Variants in NFIC observed in about 807,000 individuals in gnomAD.
NFIC encodes the protein nuclear factor I C, also known as nuclear factor 1 C-type.
Under a neutral mutation model 54.4 loss-of-function variants are expected in NFIC, and 12 were observed. That is an observed-to-expected ratio of 0.22 (90% confidence interval 0.14 to 0.36). The LOEUF is 0.36. Among genes scored for constraint, NFIC ranks in the 10% least tolerant of loss-of-function variants. The probability of loss-of-function intolerance (pLI) is 1.00; values close to 1 mark genes in which losing one functional copy is unlikely to be tolerated. For missense variants in NFIC, 575 were observed against 718.2 expected (o/e 0.80, Z 2.28); for synonymous variants, 322 against 319.2 (o/e 1.01, Z -0.09).
upstream of NFIC, among the ~76,000 whole-genome samples, chr19:3,362,043 C>T (rs1430973718): frequency 6.6e-6 from 1 of 152,204 alleles, no homozygotes; most frequent in African/African-American, 2.4e-5. Flanking sequence ...TAGACAACCA[C>T]ATCTCACCCT....
Position 3,442,688 on chromosome 19 carries a change from G to A in NFIC, c.959-6326G>A, listed in dbSNP as rs1011205103. 4.9e-5 allele frequency among the ~76,000 whole-genome samples: 7 copies of A among 142,842 alleles called. No homozygotes were observed. The East Asian group carries it at 7.1e-4, about 14-fold the overall frequency. 93.7% of individuals were successfully genotyped at this position (142,842 alleles called of 152,430 possible). On this transcript the variant is annotated intron_variant, in intron 6 of 10. Transcript: ENST00000443272. ...AGGTGTGAGCCACCGAGCCCAGCCC[G>A]CCCATCCCTTTTTTTAACCCCAGGG... is the stretch of plus-strand genomic sequence containing the variant.
At chr19:3,400,767 G>A (rs1014076926) in intron 2 of NFIC, among the ~76,000 whole-genome samples, 3 of 152,170 alleles carry the variant, frequency 2.0e-5, no homozygotes, top group African/African-American at 4.8e-5. Flanking sequence ...GCTTGAACCC[G>A]GAAGGCGGAG....
At chr19:3,381,522 G>A (rs1429812986) in intron 1 of NFIC, among the ~76,000 whole-genome samples, 190 bp from the exon 2 acceptor site, 1 of 152,104 alleles carries the variant, frequency 6.6e-6, no homozygotes, top group Non-Finnish European at 1.5e-5. Context: ...CTTCTCCTGG[G>A]TCCCCCGGGC....
At chr19:3,410,126 C>T (rs1440614660) in intron 2 of NFIC, among the ~76,000 whole-genome samples, 3 of 152,204 alleles carry the variant, frequency 2.0e-5, no homozygotes, top group South Asian at 2.1e-4. Flanking sequence ...CTGCAAGCTC[C>T]GCCTCCCGGG....
rs544475043 is a variant in NFIC, at chr19:3,408,670, C to T, written c.563-16436C>T. Among the ~76,000 whole-genome samples, 13 of 152,208 alleles carry T rather than the reference C, an allele frequency of 8.5e-5. No individual in the cohort carries two copies. In the South Asian group the frequency reaches 2.1e-3, roughly 24 times the overall value. On this transcript the variant is annotated intron_variant, in intron 2 of 10. Coordinates refer to ENST00000443272, the MANE Select transcript of NFIC (RefSeq NM_001245002.2). The stretch of plus-strand genomic sequence containing the variant: ...GGAGTCTCACTCTGTCGCGCCAACT[C>T]GGCTCACTACAACCTCCGCCTCCTG...
intron 2 of NFIC, among the ~76,000 whole-genome samples, chr19:3,420,367 C>A (rs912278686): frequency 6.6e-6 from 1 of 151,758 alleles, no homozygotes; most frequent in Non-Finnish European, 1.5e-5. Flanking sequence ...ATGGTGAAAC[C>A]CTATCTCTAC....
Position 3,382,135 on chromosome 19 carries a change from G to A in NFIC, c.454G>A (p.Val152Ile), listed in dbSNP as rs1187400437. The A allele has an allele frequency of 6.8e-6, 11 of 1,613,370 alleles. No individual in the cohort carries two copies. In the South Asian group the frequency reaches 1.1e-4, roughly 16 times the overall value. ...PLESTDGERL[V>I]KAAQCGHPVL... ...GGAGAGCACCGACGGCGAGCGCCTG[G>A]TCAAGGCTGCGCAGTGCGGTCACCC... The change falls in exon 2 of 11, where the codon GTC becomes ATC. Residue 152 changes from valine to isoleucine, a missense_variant. This residue lies in a region of NFIC where 447 missense variants were observed against 526.9 expected (regional missense o/e 0.85). Coordinates refer to ENST00000443272, the MANE Select transcript of NFIC (RefSeq NM_001245002.2).
intron 1 of NFIC, among the ~76,000 whole-genome samples, chr19:3,372,678 C>G (rs553376319): frequency 2.1e-5 from 3 of 144,278 alleles, no homozygotes; most frequent in East Asian, 2.0e-4. Flanking sequence ...CGCTCTGGCC[C>G]GAGACTGTTT....
In NFIC at chr19:3,452,301, C is replaced by T. The variant is rs1054266258; in HGVS notation, c.1085-181C>T. On this transcript the variant is annotated intron_variant, in intron 7 of 10. Coordinates refer to ENST00000443272, the MANE Select transcript of NFIC (RefSeq NM_001245002.2). The surrounding 1 kb of genome is among the most constrained non-coding windows in gnomAD (Gnocchi z 5.3). Reference sequence around the variant, plus strand: ...AATATCACAGCCCCAGTGGGGTTGCCGTGGGAGTCGGGGAATTTGGGTGTC... The same window carrying T: ...AATATCACAGCCCCAGTGGGGTTGCTGTGGGAGTCGGGGAATTTGGGTGTC... Among the ~76,000 whole-genome samples, 7 of 152,004 alleles carry T rather than the reference C, an allele frequency of 4.6e-5. No homozygotes were observed. Among genetic ancestry groups the T allele is most frequent in the Admixed American group, 1.3e-4 (2 of 15,234 alleles).
intron 9 of NFIC, 154 bp downstream of exon 9, chr19:3,454,070 G>T (rs2082513381): frequency 7.3e-7 from 1 of 1,378,246 alleles, no homozygotes; most frequent in Admixed American, 3.8e-5. Flanking sequence ...TGGCCACGTG[G>T]TTGGGCCCAT....
rs373090809 is a variant in NFIC at position 3,429,363 on chromosome 19, G to A, written c.635-4155G>A. 1.7e-4 allele frequency among the ~76,000 whole-genome samples: 26 copies of A among 149,680 alleles called. No individual in the cohort carries two copies. In the East Asian group the frequency reaches 2.2e-3, roughly 12 times the overall value. ...GGAGGCTGAGGTGGGAGGATCGCCT[G>A]AGCCCAGGAGTTTGAGACCAGCCTG... On this transcript the variant is annotated intron_variant, in intron 3 of 10. Transcript: ENST00000443272.
chr19:3,450,350 A>AC (rs1273471795), intron 7 of NFIC, among the ~76,000 whole-genome samples: 5 of 89,048 alleles, frequency 5.6e-5, no homozygotes, highest in Non-Finnish European at 9.4e-5. Flanking sequence ...ATCTCAAAAA[A>AC]AAAAAAAGAG....
intron 6 of NFIC, among the ~76,000 whole-genome samples, chr19:3,437,029 C>T (rs1427101494): frequency 6.6e-6 from 1 of 152,116 alleles, no homozygotes; most frequent in African/African-American, 2.4e-5. Flanking sequence ...GCCCATGCGA[C>T]ATACCCGGGA....
rs1317934010 is a variant in NFIC at position 3,466,949 on chromosome 19, AG to A, written c.*4183del. On this transcript the variant is annotated 3_prime_UTR_variant, in exon 11 of 11. Coordinates refer to ENST00000443272, the MANE Select transcript of NFIC (RefSeq NM_001245002.2). The surrounding 1 kb of genome is among the most constrained non-coding windows in gnomAD (Gnocchi z 4.8). ...CCTCCCTGTTTCTTGGAAAAGCTAC[AG>A]GGTCCCTGTAGGGCAAAATTCCCAG... The A allele has an allele frequency of 6.6e-6, 1 of 152,134 alleles. No individual in the cohort carries two copies. The highest frequency in any genetic ancestry group is 1.5e-5 in the Non-Finnish European group (1 of 68,034). 9.4% of individuals were successfully genotyped at this position (152,134 alleles called of 1,614,324 possible). A position where few individuals can be genotyped will look rare whatever the true frequency, so the allele number is the denominator to read the frequency against.
chr19:3,434,968 A>G, intron 5 of NFIC, 115 bp from the exon 6 acceptor site: 4 of 1,357,718 alleles, frequency 2.9e-6, no homozygotes, highest in Non-Finnish European at 3.9e-6. Flanking sequence ...ATGTCTCGCG[A>G]TACTACCTCC....
chr19:3,445,185 A>G (rs770508864), intron 6 of NFIC, among the ~76,000 whole-genome samples: 3 of 151,934 alleles, frequency 2.0e-5, no homozygotes, highest in African/African-American at 4.8e-5. Context: ...GCACGCACAC[A>G]CATGCATGTA....
chr19:3,377,091 G>T (rs534577554), intron 1 of NFIC, among the ~76,000 whole-genome samples: 1 of 151,514 alleles, frequency 6.6e-6, no homozygotes, highest in South Asian at 2.1e-4. Flanking sequence ...CACTTTGGGA[G>T]GCCGAGGCAG....
intron 10 of NFIC, among the ~76,000 whole-genome samples, chr19:3,457,597 G>C (rs532628477): frequency 6.6e-6 from 1 of 152,156 alleles, no homozygotes; most frequent in Non-Finnish European, 1.5e-5. Context: ...CCACAGGCCC[G>C]GGAGGTCCAG....
chr19:3,417,021 C>G lies in NFIC; in HGVS notation c.563-8085C>G, dbSNP rs184548287. ...GCCTCAGCCTCCGGAGCAGCTGGGA[C>G]TACAGGCGCCCGCCACCAGGCCCAG... On this transcript the variant is annotated intron_variant, in intron 2 of 10. Coordinates refer to ENST00000443272, the MANE Select transcript of NFIC (RefSeq NM_001245002.2). Among the ~76,000 whole-genome samples, 1,075 of 151,522 alleles carry G rather than the reference C, an allele frequency of 7.1e-3. 15 individuals carry two copies. Among genetic ancestry groups the G allele is most frequent in the African/African-American group, 0.025 (1,035 of 41,522 alleles).
Sources: gnomAD v4.1 joint callset for allele counts (sites outside exome capture counted in the v4.1 genomes callset) on GRCh38, gnomAD v4.1.1 for gene constraint, gnomAD v4.1.1 regional missense constraint, Gnocchi (gnomAD v3.1) non-coding constraint, MANE v1.5 for transcripts, NCBI Gene and HGNC (gene_info 2026-07-23, HGNC 2026-07-21) for gene names.